Variants in BRF1 observed in about 807,000 individuals in gnomAD.
The protein encoded by BRF1 is BRF1 general transcription factor IIIB subunit.
A neutral mutation model predicts 81.7 loss-of-function variants in BRF1; 59 were observed. The observed-to-expected ratio is 0.72, with a 90% CI of 0.59 to 0.90. The LOEUF is 0.90. BRF1 is among the 40% of genes least tolerant of loss of function. BRF1 has a pLI of 0.00. For synonymous variants in BRF1, 491 were observed against 395.6 expected, an observed-to-expected ratio of 1.24 and a Z score of -2.86; for missense variants, 1,050 against 936.3, an observed-to-expected ratio of 1.12 and a Z score of -1.58.
intron 4 of BRF1, 190 bp downstream of exon 4, chr14:105,256,328 T>TCCCA: frequency 6.5e-7 from 1 of 1,550,100 alleles, no homozygotes. Flanking sequence ...CTCCCACAAG[T>TCCCA]CTCGGACTGT....
At chr14:105,295,660 C>T (rs2057707501) in intron 1 of BRF1, among the ~76,000 whole-genome samples, 2 of 151,754 alleles carry the variant, frequency 1.3e-5, no homozygotes, top group Non-Finnish European at 2.9e-5. Context: ...AGTGCATGCC[C>T]GTAGTCCTAG....
intron 1 of BRF1, among the ~76,000 whole-genome samples, chr14:105,292,031 C>T (rs1321721320): frequency 6.6e-6 from 1 of 152,122 alleles, no homozygotes; most frequent in African/African-American, 2.4e-5. Context: ...CACTCTGTCA[C>T]CCAGGCTAAA....
Position 105,272,723 on chromosome 14 carries a change from G to A in BRF1, c.437C>T (p.Pro146Leu), listed in dbSNP as rs766358291. 2.7e-5 allele frequency: 43 copies of A among 1,605,396 alleles called. No homozygotes were observed. The highest frequency in any genetic ancestry group is 3.3e-5 in the Non-Finnish European group (39 of 1,173,532). Residue 146 changes from proline (P) to leucine (L), a missense_variant and splice_region_variant, in exon 3 of 18, where the codon CCG becomes CTG. Physicochemically the swap from Pro to Leu is moderately conservative, Grantham distance 98 (BLOSUM62 -3). Around this residue, in one of 2 missense-constraint regions of BRF1, gnomAD observed 1,043 missense variants for 915.4 expected, o/e 1.14. Transcript: ENST00000547530. Reference protein sequence around the residue: ...LYLVCRTEGTPHMLLDLSDLL... With the variant: ...LYLVCRTEGTLHMLLDLSDLL... ...GAGGCTCTCAAACCAAAGGATACGCGGCGTGCCCTCCGTACGGCAGACCAG... is the reference window on the plus strand; with the variant it reads ...GAGGCTCTCAAACCAAAGGATACGCAGCGTGCCCTCCGTACGGCAGACCAG...
chr14:105,270,474 C>T (rs587750706), intron 3 of BRF1, among the ~76,000 whole-genome samples: 323 of 151,616 alleles, frequency 2.1e-3, no homozygotes, highest in Non-Finnish European at 3.4e-3. Flanking sequence ...CATGCCCAGC[C>T]CAAATTTCAA....
chr14:105,315,091 T>C lies in BRF1; in HGVS notation c.-162+231A>G. The C allele has an allele frequency of 1.9e-6, 2 of 1,045,444 alleles. No individual in the cohort carries two copies. Among genetic ancestry groups the C allele is most frequent in the Non-Finnish European group, 1.2e-6 (1 of 861,886 alleles). 64.8% of individuals were successfully genotyped at this position (1,045,444 alleles called of 1,614,324 possible). A position where few individuals can be genotyped will look rare whatever the true frequency, so the allele number is the denominator to read the frequency against. On this transcript the variant is annotated intron_variant, in intron 1 of 17. Transcript: ENST00000327359. This position sits in a 1 kb window ranked among gnomAD's most constrained non-coding sequence, Gnocchi z 4.4. ...CGCCGGGCACCTGCTGGGGGTGTCC[T>C]GGCCGCGGCCTCTGCGCGCCCCATC...
At chr14:105,248,948 C>T (rs1363045555) in intron 5 of BRF1, 2 of 983,090 alleles carry the variant, frequency 2.0e-6, no homozygotes, top group Non-Finnish European at 2.4e-6. Context: ...CCGCCGTGGG[C>T]AGGAAGGCCG....
At chr14:105,252,706 C>G (rs1402805500) in intron 4 of BRF1, 127 bp from the exon 5 acceptor site, 1 of 1,001,086 alleles carries the variant, frequency 1.0e-6, no homozygotes, top group African/African-American at 1.6e-5. Context: ...AGCCACCCCA[C>G]ACCCGCAAGC....
intron 3 of BRF1, among the ~76,000 whole-genome samples, chr14:105,260,960 C>G (rs925407036): frequency 6.6e-5 from 10 of 152,238 alleles, no homozygotes; most frequent in African/African-American, 2.2e-4. Flanking sequence ...AGCTAATGAG[C>G]TCCCAGGGCT....
In BRF1 at chr14:105,252,592, G is replaced by T; in HGVS notation, c.472-13C>A. On this transcript the variant is annotated splice_polypyrimidine_tract_variant and intron_variant, in intron 4 of 17. Transcript: ENST00000547530. Reference sequence around the variant, plus strand: ...CGTACACATTCACCTGAGATGGAGAGATCACAACCAGAAACAGCATTGGTA... The same window carrying T: ...CGTACACATTCACCTGAGATGGAGATATCACAACCAGAAACAGCATTGGTA... 1 of 1,609,354 alleles carries T rather than the reference G, an allele frequency of 6.2e-7. No individual in the cohort carries two copies. The highest frequency in any genetic ancestry group is 1.3e-5 in the African/African-American group (1 of 74,750).
In BRF1 at chr14:105,209,505, C is replaced by T. The variant is rs927145753; in HGVS notation, c.*1046G>A. 2.8e-6 allele frequency: 2 copies of T among 701,926 alleles called. No homozygotes were observed. The highest frequency in any genetic ancestry group is 5.2e-6 in the Non-Finnish European group (2 of 384,548). 43.5% of individuals were successfully genotyped at this position (701,926 alleles called of 1,614,324 possible). ...GAGGCACGGCTCTGCCTCAAGGCCA[C>T]CCCCTCCTAAGGACACAGGGTGAAG... On this transcript the variant is annotated 3_prime_UTR_variant, in exon 18 of 18. Coordinates refer to ENST00000547530, the MANE Select transcript of BRF1 (RefSeq NM_001519.4).
intron 1 of BRF1, among the ~76,000 whole-genome samples, chr14:105,300,059 G>A (rs752916438): frequency 1.3e-5 from 2 of 152,200 alleles, no homozygotes; most frequent in South Asian, 2.1e-4. Flanking sequence ...GCATCCGCCC[G>A]GTAACCACCA....
chr14:105,299,728 G>A (rs899745066), intron 1 of BRF1, among the ~76,000 whole-genome samples: 4 of 152,204 alleles, frequency 2.6e-5, no homozygotes, highest in Admixed American at 6.5e-5. Context: ...TAGAACAACC[G>A]AAATAAAAAC....
At chr14:105,294,713 A>AG (rs2057663936) in intron 1 of BRF1, among the ~76,000 whole-genome samples, 1 of 152,210 alleles carries the variant, frequency 6.6e-6, no homozygotes, top group South Asian at 2.1e-4. Context: ...AGAGAGACAA[A>AG]GGGAAAAAAA....
At chr14:105,268,842 C>G (rs587608356) in intron 3 of BRF1, among the ~76,000 whole-genome samples, 1 of 152,132 alleles carries the variant, frequency 6.6e-6, no homozygotes, top group Non-Finnish European at 1.5e-5. Context: ...CAGAAGGTGA[C>G]GGGAGCTGTG....
intron 2 of BRF1, among the ~76,000 whole-genome samples, chr14:105,278,554 G>C (rs909952631): frequency 1.3e-5 from 2 of 152,158 alleles, no homozygotes; most frequent in Admixed American, 6.5e-5. Flanking sequence ...AGAATTTCTT[G>C]AACAAGTCAC....
chr14:105,210,466 CCTGCTGCGGTCCTGGAAGCCCGT>C lies in BRF1; in HGVS notation c.*62_*84del. 6.6e-7 allele frequency: 1 copy of C among 1,517,502 alleles called. No homozygotes were observed. The highest frequency in any genetic ancestry group is 9.0e-7 in the Non-Finnish European group (1 of 1,115,102). The allele number at this position is 1,517,502 out of a possible 1,614,324, so 94.0% of individuals were successfully genotyped here. ...CCAGGAGTCTCGGCGCTGGGGCCTG[CCTGCTGCGGTCCTGGAAGCCCGT>C]CTGATGCTGAGGAGACCCGCGAGGC... On this transcript the variant is annotated 3_prime_UTR_variant, in exon 18 of 18. Coordinates refer to ENST00000547530, the MANE Select transcript of BRF1 (RefSeq NM_001519.4). This position sits in a 1 kb window ranked among gnomAD's most constrained non-coding sequence, Gnocchi z 4.7.
At chr14:105,224,298 G>C (rs1230764403) in intron 10 of BRF1, among the ~76,000 whole-genome samples, 2 of 152,192 alleles carry the variant, frequency 1.3e-5, no homozygotes, top group South Asian at 2.1e-4. Flanking sequence ...CAAACTACAG[G>C]GTAGAGGTTG....
intron 5 of BRF1, chr14:105,248,667 G>A (rs2055333597): frequency 1.0e-6 from 1 of 981,436 alleles, no homozygotes; most frequent in Non-Finnish European, 1.2e-6. Flanking sequence ...GGGGGTGGCA[G>A]GGGAGCGGGT....
chr14:105,217,870 G>A (rs1206631912), intron 14 of BRF1, 70 bp from the exon 15 acceptor site: 25 of 1,574,972 alleles, frequency 1.6e-5, no homozygotes, highest in African/African-American at 5.4e-5. Flanking sequence ...GGGGCTCCAC[G>A]TGAGGCCAGG....
Sources: gnomAD v4.1 joint callset for allele counts (sites outside exome capture counted in the v4.1 genomes callset) on GRCh38, gnomAD v4.1.1 for gene constraint, gnomAD v4.1.1 regional missense constraint, Gnocchi (gnomAD v3.1) non-coding constraint, MANE v1.5 for transcripts, NCBI Gene and HGNC (gene_info 2026-07-23, HGNC 2026-07-21) for gene names.